SLC35D2: variants seen among roughly 807,000 people sequenced by gnomAD.
The protein encoded by SLC35D2 is nucleotide sugar transporter SLC35D2.
A neutral mutation model predicts 41.8 loss-of-function variants in SLC35D2; 43 were observed. That is an observed-to-expected ratio of 1.03 (90% CI 0.81 to 1.33). The LOEUF is 1.33. Ranked by LOEUF, SLC35D2 falls within the 40% of genes most tolerant of loss-of-function variation. The pLI is 0.00. For missense variants in SLC35D2, 380 were observed against 408.4 expected (o/e 0.93, Z 0.60); for synonymous variants, 150 against 163.9 (o/e 0.92, Z 0.65).
At chr9:96,348,167 C>T (rs958370450) in intron 6 of SLC35D2, among the ~76,000 whole-genome samples, 1 of 152,206 alleles carries the variant, frequency 6.6e-6, no homozygotes, top group African/African-American at 2.4e-5. Context: ...GGATCAGGAC[C>T]CTTTCCTGTA....
At chr9:96,345,241 T>C in intron 7 of SLC35D2, 58 bp downstream of exon 7, 3 of 847,564 alleles carry the variant, frequency 3.5e-6, no homozygotes, top group Non-Finnish European at 5.8e-6. Flanking sequence ...TTTTCATTTT[T>C]CATATAATTC....
chr9:96,324,124 T>G lies in SLC35D2; in HGVS notation c.798A>C (p.Ser266=). The change falls in exon 10 of 12, where the codon TCA becomes TCC. Residue 266 remains serine, a synonymous_variant. Transcript: ENST00000253270. ...CTCCAACCACTGCTGTCGTCAGGGCTGAATTGTAATAGCTGCACAGAACCG... is the reference window on the plus strand; with the variant it reads ...CTCCAACCACTGCTGTCGTCAGGGCGGAATTGTAATAGCTGCACAGAACCG... ...YSTVLCSYYN[S]ALTTAVVGAI... is the part of the protein sequence containing the mutation. 1 of 1,614,010 alleles carries G rather than the reference T, an allele frequency of 6.2e-7. No homozygotes were observed. The highest frequency in any genetic ancestry group is 8.5e-7 in the Non-Finnish European group (1 of 1,179,932).
chr9:96,327,283 G>A (rs1828580201), intron 9 of SLC35D2, among the ~76,000 whole-genome samples: 1 of 152,174 alleles, frequency 6.6e-6, no homozygotes, highest in South Asian at 2.1e-4. Flanking sequence ...GACAAGATCT[G>A]GCTATATTAC....
chr9:96,355,311 G>A (rs1279932396), intron 4 of SLC35D2, among the ~76,000 whole-genome samples: 5 of 151,326 alleles, frequency 3.3e-5, no homozygotes, highest in African/African-American at 1.2e-4. Flanking sequence ...AAGCCACCAC[G>A]CCAAGCCAAA....
chr9:96,353,872 G>A (rs1440476001), intron 4 of SLC35D2, among the ~76,000 whole-genome samples: 1 of 152,170 alleles, frequency 6.6e-6, no homozygotes, highest in Non-Finnish European at 1.5e-5. Flanking sequence ...ACCCTGAGCG[G>A]CCGATGAGCT....
downstream of SLC35D2, among the ~76,000 whole-genome samples, chr9:96,318,144 C>T (rs1302520101): frequency 6.6e-6 from 1 of 151,940 alleles, no homozygotes; most frequent in Non-Finnish European, 1.5e-5. Flanking sequence ...TTGCCATGCC[C>T]AGCCCTCCAG....
In SLC35D2 at chr9:96,371,116, A is replaced by C. The variant is rs565564607; in HGVS notation, c.159-2811T>G. Among the ~76,000 whole-genome samples, 4 of 152,318 alleles carry C rather than the reference A, an allele frequency of 2.6e-5. No individual in the cohort carries two copies. The East Asian group carries it at 7.7e-4, about 29-fold the overall frequency. On this transcript the variant is annotated intron_variant, in intron 1 of 11. Coordinates refer to ENST00000253270, the MANE Select transcript of SLC35D2 (RefSeq NM_007001.3). ...CCTGGAATTTAGAAGACTATATTCCATAACTTTATATTGAATTCCATTCTA... is the reference window on the plus strand; with the variant it reads ...CCTGGAATTTAGAAGACTATATTCCCTAACTTTATATTGAATTCCATTCTA...
intron 3 of SLC35D2, among the ~76,000 whole-genome samples, chr9:96,361,513 C>T (rs549809578): frequency 2.0e-5 from 3 of 152,048 alleles, no homozygotes; most frequent in South Asian, 4.2e-4. Context: ...ATAGTGAGAC[C>T]GTCTCTACAA....
chr9:96,366,775 CTGATCTTTTTTT>C (rs1307736668), intron 2 of SLC35D2, among the ~76,000 whole-genome samples: 2 of 150,868 alleles, frequency 1.3e-5, no homozygotes, highest in Non-Finnish European at 2.9e-5. Flanking sequence ...CGTGCTCGGC[CTGATCTTTTTTT>C]TTTTAACGTG....
At chr9:96,322,882 C>T (rs771264828) in intron 10 of SLC35D2, among the ~76,000 whole-genome samples, 1 of 151,982 alleles carries the variant, frequency 6.6e-6, no homozygotes, top group Non-Finnish European at 1.5e-5. Context: ...CCACGCCTGG[C>T]TCATTTTTGT....
intron 9 of SLC35D2, among the ~76,000 whole-genome samples, chr9:96,330,316 C>T (rs1241044488): frequency 3.3e-5 from 5 of 152,186 alleles, no homozygotes; most frequent in Admixed American, 1.3e-4. Flanking sequence ...CACACATATA[C>T]ACACACACAG....
At chr9:96,333,071 G>C (rs1052860511) in intron 9 of SLC35D2, among the ~76,000 whole-genome samples, 2 of 150,326 alleles carry the variant, frequency 1.3e-5, no homozygotes, top group East Asian at 2.1e-4. Flanking sequence ...GCTAATTTTT[G>C]TATTTTTAGT....
chr9:96,333,322 C>A (rs11789769), intron 9 of SLC35D2, among the ~76,000 whole-genome samples: 1 of 151,484 alleles, frequency 6.6e-6, no homozygotes, highest in Admixed American at 6.6e-5. Flanking sequence ...GTAGGCCGGG[C>A]GTGGTGGCTC....
chr9:96,358,107 T>TATATATATATATATATATATAC, intron 4 of SLC35D2, among the ~76,000 whole-genome samples: 1 of 138,506 alleles, frequency 7.2e-6, no homozygotes, highest in African/African-American at 2.8e-5. Flanking sequence ...TATATATATA[T>TATATATATATATATATATATAC]ACCTGCAATG....
chr9:96,324,401 T>TAA (rs1828409257), intron 9 of SLC35D2, among the ~76,000 whole-genome samples: 2 of 152,218 alleles, frequency 1.3e-5, no homozygotes, highest in Non-Finnish European at 2.9e-5. Flanking sequence ...CCTTCTCATT[T>TAA]TCTCTGTACA....
chr9:96,360,257 G>A (rs1282001607), intron 3 of SLC35D2, 36 bp from the exon 4 acceptor site: 1 of 1,499,424 alleles, frequency 6.7e-7, no homozygotes, highest in Admixed American at 1.8e-5. Context: ...TATTTGGTTA[G>A]AACTCCAATA....
Position 96,323,981 on chromosome 9 carries a change from C to T in SLC35D2, c.831+110G>A, listed in dbSNP as rs1828383448. The T allele has an allele frequency of 3.4e-6, 3 of 874,756 alleles. No individual in the cohort carries two copies. In the South Asian group the frequency reaches 4.5e-5, roughly 13 times the overall value. The allele number at this position is 874,756 out of a possible 1,614,324, so 54.2% of individuals were successfully genotyped here. ...CAGGCCGAGCTGAAAAGGTCACAGC[C>T]CTCGTTCTTACACCACCACCAACAA... On this transcript the variant is annotated intron_variant, in intron 10 of 11. Transcript: ENST00000253270.
Position 96,330,479 on chromosome 9 carries a change from C to A in SLC35D2, c.752+6238G>T, listed in dbSNP as rs371001646. Among the ~76,000 whole-genome samples the A allele has an allele frequency of 5.3e-5, 8 of 152,164 alleles. No individual in the cohort carries two copies. In the East Asian group the frequency reaches 1.2e-3, roughly 22 times the overall value. ...TTAAGTTTCCGAATGAAGACAGTAA[C>A]AAAGAAATTTTGTTATTTAGTTGCA... is the stretch of plus-strand genomic sequence containing the variant. On this transcript the variant is annotated intron_variant, in intron 9 of 11. Transcript: ENST00000253270.
chr9:96,367,951 C>T (rs1008094498), intron 2 of SLC35D2, among the ~76,000 whole-genome samples: 13 of 152,298 alleles, frequency 8.5e-5, no homozygotes, highest in Admixed American at 5.2e-4. Context: ...CTCTCCCACC[C>T]AGTCCTCAGC....
Sources: allele counts gnomAD v4.1 joint callset (sites outside exome capture counted in the v4.1 genomes callset), GRCh38; gene constraint gnomAD v4.1.1; transcripts MANE v1.5; gene names NCBI Gene and HGNC (gene_info 2026-07-23, HGNC 2026-07-21).